Variants in FKBP2 observed in about 807,000 individuals in gnomAD.
FKBP2 encodes the protein FKBP prolyl isomerase 2.
In FKBP2, 15 loss-of-function variants were observed where a neutral mutation model predicts 19.4. The ratio of observed to expected loss-of-function variants is 0.77; its 90% confidence interval spans 0.52 to 1.19. FKBP2 has a LOEUF of 1.19. Ranked by LOEUF, FKBP2 falls within the 50% of genes most tolerant of loss-of-function variation. The pLI is 0.00. For synonymous variants in FKBP2, 76 were observed against 74.8 expected (o/e 1.02, Z -0.08); for missense variants, 170 against 179.0 (o/e 0.95, Z 0.29).
Position 64,244,082 on chromosome 11 carries a change from C to CAAA in FKBP2, c.*61_*63dup. 1.1e-5 allele frequency: 14 copies of CAAA among 1,275,542 alleles called. No homozygotes were observed. Among genetic ancestry groups the CAAA allele is most frequent in the Non-Finnish European group, 1.5e-5 (14 of 924,806 alleles). 79.0% of individuals were successfully genotyped at this position (1,275,542 alleles called of 1,614,324 possible). ...GCCCCCATCAGGGACCAGACTGTTC[C>CAAA]AAAAAAAAAACAAAAAACAAAAACA... On this transcript the variant is annotated 3_prime_UTR_variant, in exon 6 of 6. Coordinates refer to ENST00000309366, the MANE Select transcript of FKBP2 (RefSeq NM_004470.4).
At chr11:64,243,425 T>C (rs1462501739) in intron 3 of FKBP2, 26 bp from the exon 4 acceptor site, 6 of 1,613,762 alleles carry the variant, frequency 3.7e-6, no homozygotes, top group East Asian at 2.2e-5. Flanking sequence ...GGTGCTGCCA[T>C]GGGCTGAGCA....
At chr11:64,242,839 G>A (rs1235921908) in intron 2 of FKBP2, among the ~76,000 whole-genome samples, 1 of 152,242 alleles carries the variant, frequency 6.6e-6, no homozygotes, top group Non-Finnish European at 1.5e-5. Flanking sequence ...ACTTTGGGAG[G>A]CCGAGGCGGG....
At position 64,243,200 on chromosome 11, in the gene FKBP2, G is replaced by T; in HGVS notation, c.173G>T (p.Gly58Val). Residue 58 changes from glycine (G) to valine (V), a missense_variant and splice_region_variant, in exon 3 of 6, where the codon GGG becomes GTG. By Grantham distance (109) the Gly-to-Val change is moderately radical (BLOSUM62 -3). Transcript: ENST00000309366. Reference protein sequence around the residue: ...KGDVLHMHYTGKLEDGTEFDS... With the variant: ...KGDVLHMHYTVKLEDGTEFDS... Reference sequence around the variant, plus strand: ...ACTGGCCTTCTCATGGTTCCACAGGGGAAGCTGGAAGATGGGACAGAGTTT... The same window carrying T: ...ACTGGCCTTCTCATGGTTCCACAGGTGAAGCTGGAAGATGGGACAGAGTTT... The T allele has an allele frequency of 6.2e-7, 1 of 1,613,588 alleles. No individual in the cohort carries two copies. The highest frequency in any genetic ancestry group is 8.5e-7 in the Non-Finnish European group (1 of 1,179,928).
chr11:64,243,927 G>A, intron 5 of FKBP2, 41 bp from the exon 6 acceptor site: 1 of 1,614,010 alleles, frequency 6.2e-7, no homozygotes, highest in Non-Finnish European at 8.5e-7. Flanking sequence ...CCACCTCCCT[G>A]TGGCCCTGGT....
chr11:64,243,154 A>G (rs755399088), intron 2 of FKBP2, 45 bp from the exon 3 acceptor site: 8 of 1,559,524 alleles, frequency 5.1e-6, no homozygotes, highest in South Asian at 3.3e-5. Context: ...AGGGGGTGTC[A>G]GGGGTGGTCC....
intron 4 of FKBP2, 45 bp downstream of exon 4, chr11:64,243,542 G>C: frequency 1.2e-6 from 2 of 1,606,914 alleles, no homozygotes; most frequent in South Asian, 1.1e-5. Flanking sequence ...TGGGGTGTGT[G>C]ACTGGGAAGG....
In FKBP2 at chr11:64,243,843, T is replaced by A; in HGVS notation, c.334T>A (p.Tyr112Asn). Residue 112 changes from tyrosine (Y) to asparagine (N), a missense_variant and splice_region_variant, in exon 5 of 6, where the codon TAT (tyrosine) becomes AAT (asparagine). By Grantham distance (143) the Tyr-to-Asn change is moderately radical (BLOSUM62 -2). Transcript: ENST00000309366. Reference sequence around the variant, plus strand: ...GTTTCTTTGTGCATCTTCAACAGGGTATGGAGAGCGGGGAGCTCCCCCAAA... The same window carrying A: ...GTTTCTTTGTGCATCTTCAACAGGGAATGGAGAGCGGGGAGCTCCCCCAAA... ...RKLVIPSELG[Y>N]GERGAPPKIP... is the part of the protein sequence containing the mutation. 1 of 1,614,048 alleles carries A rather than the reference T, an allele frequency of 6.2e-7. No individual in the cohort carries two copies.
intron 2 of FKBP2, among the ~76,000 whole-genome samples, chr11:64,242,905 T>C (rs1165651791): frequency 6.6e-6 from 1 of 152,200 alleles, no homozygotes; most frequent in African/African-American, 2.4e-5. Flanking sequence ...TGAAACTTTC[T>C]CTGCTAAAAA....
chr11:64,243,491 G>T lies in FKBP2; in HGVS notation c.325G>T (p.Glu109Ter). The T allele has an allele frequency of 1.2e-6, 2 of 1,613,796 alleles. No individual in the cohort carries two copies. The highest frequency in any genetic ancestry group is 1.3e-5 in the African/African-American group (1 of 75,054). The change falls in exon 4 of 6, where the codon GAG becomes TAG. Residue 109 changes from glutamate (E) to a stop codon, truncating the protein, a stop_gained. Transcript: ENST00000309366. LOFTEE classifies it high-confidence loss of function. ...AAAGCGCAAGCTGGTGATCCCATCCGAGCTAGGTAAGAGGCCCCTCCTGAG... is the reference window on the plus strand; with the variant it reads ...AAAGCGCAAGCTGGTGATCCCATCCTAGCTAGGTAAGAGGCCCCTCCTGAG... ...GEKRKLVIPS[E>*]LGYGERGAPP...
chr11:64,242,384 A>G lies in FKBP2; in HGVS notation c.-4A>G. ...GGTCGGTCGGGGTCTGTGCCCACAGAGACATGAGGCTGAGCTGGTTCCGGG... is the reference window on the plus strand; with the variant it reads ...GGTCGGTCGGGGTCTGTGCCCACAGGGACATGAGGCTGAGCTGGTTCCGGG... On this transcript the variant is annotated splice_region_variant and 5_prime_UTR_variant, in exon 2 of 6. Transcript: ENST00000309366. The G allele has an allele frequency of 1.3e-6, 2 of 1,520,188 alleles. No individual in the cohort carries two copies. Among genetic ancestry groups the G allele is most frequent in the East Asian group, 2.6e-5 (1 of 38,592 alleles). 94.2% of individuals were successfully genotyped at this position (1,520,188 alleles called of 1,614,324 possible).
In FKBP2 at chr11:64,242,218, G is replaced by C. The variant is rs973731899; in HGVS notation, c.-4-166G>C. On this transcript the variant is annotated intron_variant, in intron 1 of 5. Transcript: ENST00000309366. ...AGCCCCCTTCTCACTGGACTGGTAA[G>C]TGTGGCCCCGGAGCCCGGGGGAGAG... The C allele has an allele frequency of 6.5e-6, 4 of 612,014 alleles. No individual in the cohort carries two copies. The African/African-American group carries it at 7.8e-5, about 12-fold the overall frequency. 37.9% of individuals were successfully genotyped at this position (612,014 alleles called of 1,614,324 possible).
Position 64,242,573 on chromosome 11 carries a change from C to G in FKBP2, c.171+15C>G. 2.6e-6 allele frequency: 4 copies of G among 1,519,488 alleles called. No homozygotes were observed. Among genetic ancestry groups the G allele is most frequent in the Non-Finnish European group, 3.5e-6 (4 of 1,138,818 alleles). The allele number at this position is 1,519,488 out of a possible 1,614,324, so 94.1% of individuals were successfully genotyped here. A position where few individuals can be genotyped will look rare whatever the true frequency, so the allele number is the denominator to read the frequency against. Reference sequence around the variant, plus strand: ...TGCACTACACGGTGAGTGGGTTGGGCGGGCCTTTTGGGAGTGGGTGGGGCT... The same window carrying G: ...TGCACTACACGGTGAGTGGGTTGGGGGGGCCTTTTGGGAGTGGGTGGGGCT... On this transcript the variant is annotated intron_variant, in intron 2 of 5. Coordinates refer to ENST00000309366, the MANE Select transcript of FKBP2 (RefSeq NM_004470.4).
chr11:64,242,547 A>G lies in FKBP2; in HGVS notation c.160A>G (p.Met54Val), dbSNP rs1454277171. The G allele has an allele frequency of 2.5e-5, 38 of 1,547,310 alleles. No individual in the cohort carries two copies. Among genetic ancestry groups the G allele is most frequent in the Non-Finnish European group, 3.2e-5 (37 of 1,153,322 alleles). Reference sequence around the variant, plus strand: ...ATCGCGCAAAGGGGATGTCCTGCACATGCACTACACGGTGAGTGGGTTGGG... The same window carrying G: ...ATCGCGCAAAGGGGATGTCCTGCACGTGCACTACACGGTGAGTGGGTTGGG... ...IKSRKGDVLH[M>V]HYTGKLEDGT... Residue 54 changes from methionine to valine, a missense_variant, in exon 2 of 6, where the codon ATG becomes GTG. Physicochemically the swap from Met to Val is conservative, Grantham distance 21. Transcript: ENST00000309366.
At chr11:64,242,774 C>T (rs982813316) in intron 2 of FKBP2, among the ~76,000 whole-genome samples, 1 of 152,200 alleles carries the variant, frequency 6.6e-6, no homozygotes, top group Non-Finnish European at 1.5e-5. Context: ...AAGGCTCTGT[C>T]CTCTTAAAGA....
chr11:64,243,077 A>G, intron 2 of FKBP2, 122 bp from the exon 3 acceptor site: 1 of 840,100 alleles, frequency 1.2e-6, no homozygotes, highest in African/African-American at 1.7e-5. Context: ...CAAAAAACAA[A>G]AAGGACTGAC....
intron 2 of FKBP2, 102 bp downstream of exon 2, chr11:64,242,660 C>T (rs2030601587): frequency 1.6e-6 from 2 of 1,271,556 alleles, no homozygotes; most frequent in Admixed American, 3.1e-5. Context: ...TGACCTTGGG[C>T]AAGTCCCCTC....
In FKBP2 at chr11:64,242,654, C is replaced by G. The variant is rs906609469; in HGVS notation, c.171+96C>G. 7.5e-6 allele frequency: 10 copies of G among 1,339,524 alleles called. No homozygotes were observed. The African/African-American group carries it at 1.5e-4, about 20-fold the overall frequency. The allele number at this position is 1,339,524 out of a possible 1,614,324, so 83.0% of individuals were successfully genotyped here. ...GTTCTCCATAAGCCAGGTAGGTGAC[C>G]TTGGGCAAGTCCCCTCTCGCCTCTA... On this transcript the variant is annotated intron_variant, in intron 2 of 5. Transcript: ENST00000309366.
chr11:64,243,918 C>T, intron 5 of FKBP2, 42 bp downstream of exon 5: 2 of 1,613,990 alleles, frequency 1.2e-6, no homozygotes, highest in Non-Finnish European at 1.7e-6. Flanking sequence ...GCAGCCAGCC[C>T]ACCTCCCTGT....
rs982480472 is a variant in FKBP2, at chr11:64,242,509, A to G, written c.122A>G (p.His41Arg). 1.6e-5 allele frequency: 25 copies of G among 1,554,884 alleles called. No individual in the cohort carries two copies. Among genetic ancestry groups the G allele is most frequent in the Non-Finnish European group, 2.1e-5 (24 of 1,157,010 alleles). Reference sequence around the variant, plus strand: ...ATCGGGGTCAAGAAGCGGGTGGACCACTGTCCCATCAAATCGCGCAAAGGG... The same window carrying G: ...ATCGGGGTCAAGAAGCGGGTGGACCGCTGTCCCATCAAATCGCGCAAAGGG... ...LQIGVKKRVD[H>R]CPIKSRKGDV... Residue 41 changes from histidine (H) to arginine (R), a missense_variant, in exon 2 of 6, where the codon CAC becomes CGC. By Grantham distance (29) the His-to-Arg change is conservative. Coordinates refer to ENST00000309366, the MANE Select transcript of FKBP2 (RefSeq NM_004470.4).
Sources: allele counts gnomAD v4.1 joint callset (sites outside exome capture counted in the v4.1 genomes callset), GRCh38; gene constraint gnomAD v4.1.1; transcripts MANE v1.5; gene names NCBI Gene and HGNC (gene_info 2026-07-23, HGNC 2026-07-21).